The following ATIC variants were observed in gnomAD, a reference collection of about 807,000 sequenced individuals.
ATIC encodes 5-aminoimidazole-4-carboxamide ribonucleotide formyltransferase/IMP cyclohydrolase, also known as bifunctional purine biosynthesis protein ATIC.
ATIC carries 64 observed loss-of-function variants against 72.5 expected under a neutral mutation model. The ratio of observed to expected loss-of-function variants is 0.88; its 90% CI spans 0.72 to 1.09. The LOEUF is 1.09. Ranked by LOEUF, ATIC falls within the 50% of genes least tolerant of loss-of-function variation. The probability of loss-of-function intolerance (pLI) is 0.00; values close to 1 mark genes in which losing one functional copy is unlikely to be tolerated. For synonymous variants in ATIC, 281 were observed against 267.1 expected (o/e 1.05, Z -0.51); for missense variants, 787 against 732.4 (o/e 1.07, Z -0.86).
At chr2:215,325,444 A>G (rs1432098038) in intron 5 of ATIC, 115 bp downstream of exon 5, 1 of 796,838 alleles carries the variant, frequency 1.3e-6, no homozygotes, top group African/African-American at 1.7e-5. Flanking sequence ...CTACTTCTGG[A>G]TTGTGTTTTG....
chr2:215,361,596 G>C, the ATIC span: 2 of 1,612,380 alleles, frequency 1.2e-6, no homozygotes, highest in African/African-American at 2.7e-5. Flanking sequence ...ACATCTAAAG[G>C]CATGAAGCAC....
At chr2:215,357,588 A>C in the ATIC span, among the ~76,000 whole-genome samples, 2 of 152,260 alleles carry the variant, frequency 1.3e-5, no homozygotes, top group African/African-American at 4.8e-5. Context: ...CTTTCGGCTG[A>C]AGCCCTGTTT....
intron 4 of ATIC, among the ~76,000 whole-genome samples, chr2:215,321,676 G>C (rs2105999927): frequency 6.6e-6 from 1 of 152,254 alleles, no homozygotes; most frequent in African/African-American, 2.4e-5. Context: ...TCATTCTAGG[G>C]GTTCTGAAGT....
Position 215,327,081 on chromosome 2 carries a change from G to A in ATIC, c.688+103G>A, listed in dbSNP as rs78298121. 6,051 of 1,552,408 alleles carry A rather than the reference G, an allele frequency of 3.9e-3. 186 individuals are homozygous for A. In the African/African-American group the frequency reaches 0.07, roughly 18 times the overall value. Reference sequence around the variant, plus strand: ...TCACATTCAGAAGATGATACATTCCGTAATGCCTCCTGTAGCCATCTGATA... The same window carrying A: ...TCACATTCAGAAGATGATACATTCCATAATGCCTCCTGTAGCCATCTGATA... On this transcript the variant is annotated intron_variant, in intron 7 of 15. Coordinates refer to ENST00000236959, the MANE Select transcript of ATIC (RefSeq NM_004044.7).
chr2:215,326,713 C>A, intron 6 of ATIC, 109 bp from the exon 7 acceptor site: 1 of 1,353,758 alleles, frequency 7.4e-7, no homozygotes, highest in Non-Finnish European at 1.1e-6. Context: ...GCAGCCACCA[C>A]ATAGCACTGA....
chr2:215,336,745 C>G (rs1264051690), intron 11 of ATIC, among the ~76,000 whole-genome samples: 2 of 152,054 alleles, frequency 1.3e-5, no homozygotes, highest in African/African-American at 4.8e-5. Context: ...CTACAAATAC[C>G]CCTGCAGTGA....
intron 7 of ATIC, among the ~76,000 whole-genome samples, chr2:215,332,000 C>T (rs1242439247): frequency 6.6e-6 from 1 of 152,120 alleles, no homozygotes; most frequent in Admixed American, 6.6e-5. Context: ...CTGTGATTAC[C>T]TCAATTGTTT....
chr2:215,318,720 G>T (rs757173674), intron 3 of ATIC, among the ~76,000 whole-genome samples: 94 of 152,126 alleles, frequency 6.2e-4, no homozygotes, highest in Non-Finnish European at 1.2e-3. Flanking sequence ...GGTGAATAAA[G>T]CTGAATGGCT....
At chr2:215,313,127 C>T (rs1419574756) in intron 2 of ATIC, among the ~76,000 whole-genome samples, 1 of 152,148 alleles carries the variant, frequency 6.6e-6, no homozygotes, top group African/African-American at 2.4e-5. Flanking sequence ...ATCTTCTGCA[C>T]AAGTTTAAAC....
At chr2:215,337,995 C>A (rs1429824477) in intron 11 of ATIC, among the ~76,000 whole-genome samples, 1 of 152,130 alleles carries the variant, frequency 6.6e-6, no homozygotes, top group Non-Finnish European at 1.5e-5. Flanking sequence ...TTTTATAGTG[C>A]ATAATACAAA....
the ATIC span, chr2:215,363,756 T>C: frequency 2.2e-5 from 3 of 139,144 alleles, no homozygotes; most frequent in Admixed American, 7.3e-5. Flanking sequence ...TCACATTCCA[T>C]TGCTTTTGAG....
chr2:215,352,693 C>T (rs765045103), downstream of ATIC, among the ~76,000 whole-genome samples: 3 of 152,124 alleles, frequency 2.0e-5, no homozygotes, highest in Non-Finnish European at 2.9e-5. Context: ...ATCAAATACC[C>T]AGTCACCTTT....
chr2:215,366,977 T>G, the ATIC span, among the ~76,000 whole-genome samples: 1 of 152,234 alleles, frequency 6.6e-6, no homozygotes. Context: ...GGCTGGCTTT[T>G]ACAACTTCAG....
intron 9 of ATIC, 49 bp downstream of exon 9, chr2:215,333,506 T>G: frequency 6.8e-7 from 1 of 1,463,454 alleles, no homozygotes; most frequent in South Asian, 1.2e-5. Flanking sequence ...AAAAGCAATA[T>G]TTTATCCTAA....
At chr2:215,332,567 T>C in intron 8 of ATIC, 60 bp downstream of exon 8, 1 of 1,591,962 alleles carries the variant, frequency 6.3e-7, no homozygotes, top group Non-Finnish European at 8.5e-7. Flanking sequence ...TTCTTAAATT[T>C]TTTTGAATAT....
chr2:215,349,153 G>A lies in ATIC; in HGVS notation c.1563G>A (p.Glu521=). ...LFEEVPELLT[E]AEKKEWVEKL... ...AGGAAGTCCCTGAGTTACTCACTGA[G>A]GCAGAGAAGAAGGAATGGGTTGAGA... The change falls in exon 15 of 16, where the codon GAG becomes GAA. Residue 521 remains glutamate, a synonymous_variant. Coordinates refer to ENST00000236959, the MANE Select transcript of ATIC (RefSeq NM_004044.7). The A allele has an allele frequency of 1.2e-6, 2 of 1,614,094 alleles. No homozygotes were observed. Among genetic ancestry groups the A allele is most frequent in the African/African-American group, 1.3e-5 (1 of 75,028 alleles).
At chr2:215,330,003 C>G (rs2052873021) in intron 7 of ATIC, among the ~76,000 whole-genome samples, 1 of 152,196 alleles carries the variant, frequency 6.6e-6, no homozygotes. Context: ...CTCAGGTGAT[C>G]CACCCACCTT....
chr2:215,368,394 T>C, the ATIC span, among the ~76,000 whole-genome samples: 1 of 152,220 alleles, frequency 6.6e-6, no homozygotes, highest in African/African-American at 2.4e-5. Flanking sequence ...CTGAGTGACC[T>C]TGGGCCAGCT....
At chr2:215,350,047 T>G (rs1032071939), downstream of ATIC, among the ~76,000 whole-genome samples, 2 of 152,214 alleles carry the variant, frequency 1.3e-5, no homozygotes, top group African/African-American at 4.8e-5. Flanking sequence ...AGAATTCTTC[T>G]GCATGGGAGT....
Sources: allele counts gnomAD v4.1 joint callset (sites outside exome capture counted in the v4.1 genomes callset), GRCh38; gene constraint gnomAD v4.1.1; transcripts MANE v1.5; gene names NCBI Gene and HGNC (gene_info 2026-07-23, HGNC 2026-07-21).